Variants in SLA observed in about 807,000 individuals in gnomAD.
The protein encoded by SLA is src-like-adapter.
A neutral mutation model predicts 30.3 loss-of-function variants in SLA; 16 were observed. The observed-to-expected ratio is 0.53, with a 90% CI of 0.36 to 0.80. SLA has a LOEUF of 0.80. Ranked by LOEUF, SLA falls within the 30% of genes least tolerant of loss-of-function variation. The pLI is 0.01. For synonymous variants in SLA, 143 were observed against 137.8 expected, an observed-to-expected ratio of 1.04 and a Z score of -0.26; for missense variants, 310 against 345.2, an observed-to-expected ratio of 0.90 and a Z score of 0.81.
intron 2 of SLA, among the ~76,000 whole-genome samples, chr8:133,067,355 A>T (rs148281452): frequency 1.3e-5 from 2 of 152,054 alleles, no homozygotes; most frequent in Admixed American, 6.5e-5. Context: ...GCGGCATACC[A>T]GGGGCTCTAG....
intron 1 of SLA, among the ~76,000 whole-genome samples, chr8:133,101,947 G>A (rs1204790892): frequency 6.6e-6 from 1 of 152,180 alleles, no homozygotes; most frequent in African/African-American, 2.4e-5. Flanking sequence ...TTGCAATCAC[G>A]AGCATCCAAG....
chr8:133,092,438 G>T (rs16904827), intron 1 of SLA, among the ~76,000 whole-genome samples: 17 of 152,134 alleles, frequency 1.1e-4, no homozygotes, highest in African/African-American at 3.9e-4. Flanking sequence ...GGAGCCCAGG[G>T]CTGTGGACCT....
chr8:133,062,714 C>T (rs573398200), intron 2 of SLA, among the ~76,000 whole-genome samples: 2 of 152,012 alleles, frequency 1.3e-5, no homozygotes, highest in African/African-American at 2.4e-5. Context: ...CACAGGGTGT[C>T]GTACACAGGC....
At chr8:133,081,778 T>C (rs748972686) in intron 1 of SLA, among the ~76,000 whole-genome samples, 1 of 152,070 alleles carries the variant, frequency 6.6e-6, no homozygotes, top group Non-Finnish European at 1.5e-5. Context: ...TTCCCAGAGG[T>C]TGGGAAGTTC....
At chr8:133,049,071 G>A (rs1342362144) in intron 5 of SLA, 4 of 440,056 alleles carry the variant, frequency 9.1e-6, no homozygotes, top group Non-Finnish European at 1.8e-5. Flanking sequence ...AACTCCAGGA[G>A]GTGAAGCGAC....
At chr8:133,070,669 C>T (rs1843866573) in intron 2 of SLA, among the ~76,000 whole-genome samples, 1 of 152,206 alleles carries the variant, frequency 6.6e-6, no homozygotes, top group Non-Finnish European at 1.5e-5. Context: ...ACTCCCACTC[C>T]TAATTCCTTC....
chr8:133,054,540 G>T (rs560559656), intron 3 of SLA, among the ~76,000 whole-genome samples: 127 of 152,308 alleles, frequency 8.3e-4, no homozygotes, highest in African/African-American at 3.0e-3. Context: ...GCATTTTAGG[G>T]CCTGCCTTAG....
At chr8:133,047,023 A>G (rs1237049160) in intron 6 of SLA, 1 of 152,200 alleles carries the variant, frequency 6.6e-6, no homozygotes, top group African/African-American at 2.4e-5. Flanking sequence ...ATTATTATTC[A>G]GTCTGGGAAA....
chr8:133,047,748 A>G (rs1587873255), intron 6 of SLA, 82 bp downstream of exon 6: 2 of 825,040 alleles, frequency 2.4e-6, no homozygotes, highest in African/African-American at 1.7e-5. Context: ...AGGAAGGAAA[A>G]TGAAGCCGTG....
At chr8:133,077,295 G>A (rs1242352615) in intron 1 of SLA, among the ~76,000 whole-genome samples, 1 of 152,164 alleles carries the variant, frequency 6.6e-6, no homozygotes, top group Non-Finnish European at 1.5e-5. Flanking sequence ...CCTGTTCAAG[G>A]GGTCCCGTTC....
intron 1 of SLA, among the ~76,000 whole-genome samples, chr8:133,100,689 G>A (rs1454046351): frequency 1.3e-5 from 2 of 152,124 alleles, no homozygotes; most frequent in East Asian, 3.9e-4. Flanking sequence ...GAAAAGCCAG[G>A]CTTTCCTCTG....
chr8:133,047,641 G>A (rs745335916), intron 6 of SLA, 189 bp downstream of exon 6: 2 of 605,510 alleles, frequency 3.3e-6, no homozygotes, highest in Non-Finnish European at 6.0e-6. Flanking sequence ...GCTCCCCACT[G>A]CCTGTCTCTA....
intron 1 of SLA, among the ~76,000 whole-genome samples, chr8:133,076,488 G>A (rs1441783418): frequency 6.6e-6 from 1 of 152,174 alleles, no homozygotes; most frequent in Non-Finnish European, 1.5e-5. Context: ...AGGTACAAAG[G>A]AACTATTGCA....
chr8:133,096,513 G>A, intron 1 of SLA: 2 of 1,006,886 alleles, frequency 2.0e-6, no homozygotes, highest in Middle Eastern at 3.1e-4. Context: ...TTTAGGAGGT[G>A]GTAATGGGGG....
chr8:133,066,788 G>T (rs1047204695), intron 2 of SLA, among the ~76,000 whole-genome samples: 2 of 152,180 alleles, frequency 1.3e-5, no homozygotes, highest in African/African-American at 4.8e-5. Context: ...TTGTTTTGAG[G>T]TTGAAATTAT....
chr8:133,096,295 G>T, intron 1 of SLA: 1 of 1,614,202 alleles, frequency 6.2e-7, no homozygotes, highest in Middle Eastern at 1.6e-4. Flanking sequence ...CACTGAAGAG[G>T]TCTTTATGGG....
intron 1 of SLA, among the ~76,000 whole-genome samples, chr8:133,092,392 C>T (rs1007210637): frequency 2.6e-5 from 4 of 152,230 alleles, no homozygotes; most frequent in Non-Finnish European, 5.9e-5. Flanking sequence ...GGAAACTCCT[C>T]GCCATTGAAT....
At position 133,089,745 on chromosome 8, in the gene SLA, C is replaced by T. The variant is rs140770355; in HGVS notation, c.-319+12808G>A. On this transcript the variant is annotated intron_variant, in intron 1 of 8. Transcript: ENST00000338087. ...GTTCCAGGCCCTGTCCTGGGGCTGT[C>T]GGATTACTTAGGACCCAGCTCCTGT... Among the ~76,000 whole-genome samples the T allele has an allele frequency of 4.7e-3, 709 of 152,258 alleles. 9 individuals are homozygous for T. Among genetic ancestry groups the T allele is most frequent in the African/African-American group, 0.016 (665 of 41,532 alleles).
chr8:133,046,928 AGTGTGTTTT>A (rs1839526783), intron 6 of SLA, among the ~76,000 whole-genome samples: 1 of 152,226 alleles, frequency 6.6e-6, no homozygotes, highest in South Asian at 2.1e-4. Flanking sequence ...ACTCTCAGAT[AGTGTGTTTT>A]CTCTTCTTTG....
Sources: gnomAD v4.1 joint callset for allele counts (sites outside exome capture counted in the v4.1 genomes callset) on GRCh38, gnomAD v4.1.1 for gene constraint, MANE v1.5 for transcripts, NCBI Gene and HGNC (gene_info 2026-07-23, HGNC 2026-07-21) for gene names.